Variants in MLLT10 observed in about 807,000 individuals in gnomAD.
The protein encoded by MLLT10 is MLLT10 histone lysine methyltransferase DOT1L cofactor.
A neutral mutation model predicts 129.1 loss-of-function variants in MLLT10; 30 were observed. That is an observed-to-expected ratio of 0.23 (90% CI 0.17 to 0.32). MLLT10 has a LOEUF of 0.32. MLLT10 is among the 10% of genes least tolerant of loss of function. The pLI is 1.00. For missense variants in MLLT10, 1,119 were observed against 1,268.3 expected (o/e 0.88, Z 1.79); for synonymous variants, 490 against 446.4 (o/e 1.10, Z -1.23).
chr10:21,600,652 G>A (rs1169449705), intron 5 of MLLT10, among the ~76,000 whole-genome samples: 4 of 152,098 alleles, frequency 2.6e-5, no homozygotes, highest in Non-Finnish European at 5.9e-5. Flanking sequence ...TAGTTACTTA[G>A]GTGAGTGCTT....
At chr10:21,623,093 C>T (rs1002338013) in intron 8 of MLLT10, among the ~76,000 whole-genome samples, 2 of 152,174 alleles carry the variant, frequency 1.3e-5, no homozygotes, top group African/African-American at 4.8e-5. Flanking sequence ...TCCAGGTGCT[C>T]CACCCACACA....
At chr10:21,679,166 A>G (rs1219481561) in intron 11 of MLLT10, among the ~76,000 whole-genome samples, 3 of 152,220 alleles carry the variant, frequency 2.0e-5, no homozygotes, top group Non-Finnish European at 4.4e-5. Flanking sequence ...CCTGTTTTAT[A>G]GTGACTTGTA....
At chr10:21,551,241 C>G (rs1004800108) in intron 3 of MLLT10, among the ~76,000 whole-genome samples, 7 of 137,394 alleles carry the variant, frequency 5.1e-5, no homozygotes, top group Non-Finnish European at 9.2e-5. Context: ...TCTTTGATTT[C>G]TAAGTGCAAG....
rs142440516 is a variant in MLLT10 at position 21,556,045 on chromosome 10, G to A, written c.240+17133G>A. Among the ~76,000 whole-genome samples the A allele has an allele frequency of 8.8e-3, 1,328 of 150,626 alleles. 13 individuals carry two copies. Among genetic ancestry groups the A allele is most frequent in the African/African-American group, 0.031 (1,253 of 40,932 alleles). On this transcript the variant is annotated intron_variant, in intron 3 of 22. Transcript: ENST00000307729. ...GGCCAGAGTGCAATGGTGCGATCTC[G>A]GCTCACTGCAACCTTCGCCTCCCGG... is the stretch of plus-strand genomic sequence containing the variant.
At chr10:21,541,323 TC>T (rs1246744325) in intron 3 of MLLT10, 1 of 152,096 alleles carries the variant, frequency 6.6e-6, no homozygotes, top group Non-Finnish European at 1.5e-5. Flanking sequence ...GCTCAAGAGA[TC>T]CTCCTGCCGC....
intron 8 of MLLT10, chr10:21,625,381 A>G: frequency 1.3e-6 from 1 of 790,496 alleles, no homozygotes; most frequent in Admixed American, 2.0e-5. Flanking sequence ...CTCCAAATTC[A>G]GAAAATGACT....
chr10:21,651,593 A>G, intron 8 of MLLT10, 80 bp from the exon 9 acceptor site: 2 of 854,552 alleles, frequency 2.3e-6, no homozygotes. Flanking sequence ...GTTTTAAATT[A>G]CTAGTTATAA....
intron 8 of MLLT10, among the ~76,000 whole-genome samples, chr10:21,645,067 A>G (rs564875123): frequency 2.3e-4 from 35 of 152,312 alleles, no homozygotes; most frequent in Non-Finnish European, 4.3e-4. Context: ...CAGAAAAAGT[A>G]GTTTAGTAGG....
intron 13 of MLLT10, among the ~76,000 whole-genome samples, chr10:21,710,103 C>T (rs1257595536): frequency 2.0e-5 from 3 of 152,068 alleles, no homozygotes; most frequent in Admixed American, 2.0e-4. Context: ...CTAAGTTTGC[C>T]CTTTGTGATC....
At position 21,607,383 on chromosome 10, in the gene MLLT10, C is replaced by T. The variant is rs184625402; in HGVS notation, c.406-4965C>T. On this transcript the variant is annotated intron_variant, in intron 5 of 22. Transcript: ENST00000307729. ...TTGCCCAGGCTGGAGTGGAATGGCA[C>T]GATCTCGTCTCACCACAACCTCCAC... Among the ~76,000 whole-genome samples, 41 of 146,588 alleles carry T rather than the reference C, an allele frequency of 2.8e-4. No homozygotes were observed. In the East Asian group the frequency reaches 6.4e-3, roughly 23 times the overall value.
rs139345960 is a variant in MLLT10 at position 21,705,057 on chromosome 10, G to C, written c.1700-8715G>C. 3.0e-3 allele frequency among the ~76,000 whole-genome samples: 454 copies of C among 152,260 alleles called. 2 individuals are homozygous for C. The highest frequency in any genetic ancestry group is 0.011 in the African/African-American group (438 of 41,550). On this transcript the variant is annotated intron_variant, in intron 13 of 22. Coordinates refer to ENST00000307729, the MANE Select transcript of MLLT10 (RefSeq NM_001195626.3). ...CGAGGTGGAGGCCCATACTTCCTCA[G>C]ATGCCAGTAGTGGTAGCAGTTGGCT...
At chr10:21,731,424 G>C (rs1013312671) in intron 17 of MLLT10, among the ~76,000 whole-genome samples, 5 of 151,882 alleles carry the variant, frequency 3.3e-5, no homozygotes, top group African/African-American at 1.2e-4. Context: ...GCATTGTCTC[G>C]GTGCTTACCA....
At chr10:21,740,307 C>T (rs2058720197) in intron 22 of MLLT10, 71 bp downstream of exon 22, 5 of 1,523,950 alleles carry the variant, frequency 3.3e-6, no homozygotes, top group African/African-American at 1.4e-5. Context: ...GATCATTTTC[C>T]AGCCTGGTTT....
At chr10:21,591,893 G>A (rs1370451827) in intron 4 of MLLT10, among the ~76,000 whole-genome samples, 8 of 151,816 alleles carry the variant, frequency 5.3e-5, no homozygotes, top group Non-Finnish European at 1.2e-4. Flanking sequence ...GCTAATTTTT[G>A]TATTTTTAGT....
chr10:21,551,289 C>CTTTTTTTTTT (rs11461905), intron 3 of MLLT10, among the ~76,000 whole-genome samples: 1 of 91,964 alleles, frequency 1.1e-5, no homozygotes, highest in Non-Finnish European at 2.0e-5. Flanking sequence ...CGGATTGTAC[C>CTTTTTTTTTT]TTTTTTTTTT....
At chr10:21,657,988 ATC>A (rs1404654095) in intron 9 of MLLT10, among the ~76,000 whole-genome samples, 2 of 152,134 alleles carry the variant, frequency 1.3e-5, no homozygotes, top group Non-Finnish European at 2.9e-5. Flanking sequence ...TTGTCACTTT[ATC>A]TCTCTGTTCT....
chr10:21,718,453 C>G (rs1307185851), intron 14 of MLLT10, among the ~76,000 whole-genome samples: 3 of 152,020 alleles, frequency 2.0e-5, no homozygotes, highest in African/African-American at 7.3e-5. Flanking sequence ...TGGGAGAATG[C>G]AGGTGCTTTT....
intron 3 of MLLT10, among the ~76,000 whole-genome samples, chr10:21,576,427 G>A (rs1163616969): frequency 4.0e-5 from 6 of 151,112 alleles, no homozygotes; most frequent in African/African-American, 1.5e-4. Flanking sequence ...ATTTTTAGTA[G>A]AGCTAGGTTG....
intron 3 of MLLT10, chr10:21,557,135 T>A: frequency 7.3e-7 from 1 of 1,376,562 alleles, no homozygotes; most frequent in South Asian, 1.9e-5. Flanking sequence ...TCTTTTCCTC[T>A]TCGCTGTTAA....
Sources: allele counts gnomAD v4.1 joint callset (sites outside exome capture counted in the v4.1 genomes callset), GRCh38; gene constraint gnomAD v4.1.1; transcripts MANE v1.5; gene names NCBI Gene and HGNC (gene_info 2026-07-23, HGNC 2026-07-21).